MAML3: variants seen among roughly 807,000 people sequenced by gnomAD.
The protein encoded by MAML3 is mastermind-like protein 3.
In MAML3, 27 loss-of-function variants were observed where a neutral mutation model predicts 101.9. The observed-to-expected ratio is 0.27, with a 90% CI of 0.20 to 0.37. The LOEUF (loss-of-function observed/expected upper bound fraction) is 0.37. Ranked by LOEUF, MAML3 falls within the 10% of genes least tolerant of loss-of-function variation. The pLI, the probability that MAML3 is intolerant of heterozygous loss-of-function variation, is 1.00. For missense variants in MAML3, 1,316 were observed against 1,444.9 expected, an observed-to-expected ratio of 0.91 and a Z score of 1.45; for synonymous variants, 501 against 555.9, an observed-to-expected ratio of 0.90 and a Z score of 1.39.
intron 1 of MAML3, among the ~76,000 whole-genome samples, chr4:139,950,613 T>C (rs1405621705): frequency 1.3e-5 from 2 of 152,130 alleles, no homozygotes; most frequent in African/African-American, 4.8e-5. Context: ...TTGGCCACTT[T>C]CCATTACAGC....
chr4:139,919,031 G>A (rs965425824), intron 1 of MAML3, among the ~76,000 whole-genome samples: 7 of 152,138 alleles, frequency 4.6e-5, no homozygotes, highest in African/African-American at 1.7e-4. Flanking sequence ...TATGCACAGT[G>A]GGGTTAAATC....
At chr4:139,874,865 G>A (rs974957822) in intron 2 of MAML3, among the ~76,000 whole-genome samples, 18 of 148,022 alleles carry the variant, frequency 1.2e-4, no homozygotes, top group Non-Finnish European at 5.9e-5. Flanking sequence ...GTGCAGTGGC[G>A]CGATCTCAGC....
At chr4:139,729,527 C>CTT (rs890773087) in intron 3 of MAML3, among the ~76,000 whole-genome samples, 1 of 152,182 alleles carries the variant, frequency 6.6e-6, no homozygotes, top group African/African-American at 2.4e-5. Context: ...GTGAGGCAGA[C>CTT]TTATGTTGGG....
At chr4:139,915,306 A>T (rs1239058249) in intron 1 of MAML3, among the ~76,000 whole-genome samples, 1 of 152,244 alleles carries the variant, frequency 6.6e-6, no homozygotes, top group Non-Finnish European at 1.5e-5. Flanking sequence ...CCTCTTTGGA[A>T]GCAGATTCAT....
intron 2 of MAML3, among the ~76,000 whole-genome samples, chr4:139,878,422 C>T (rs1203612855): frequency 2.0e-5 from 3 of 152,170 alleles, no homozygotes; most frequent in Non-Finnish European, 4.4e-5. Flanking sequence ...CTCTAGGTTA[C>T]ACTGTTTTGG....
chr4:139,727,296 G>A (rs999613151), intron 3 of MAML3, among the ~76,000 whole-genome samples: 2 of 152,228 alleles, frequency 1.3e-5, no homozygotes, highest in African/African-American at 2.4e-5. Flanking sequence ...CCATTAAAGT[G>A]TAGACAAGAA....
chr4:139,773,298 A>C (rs779932423), intron 2 of MAML3, among the ~76,000 whole-genome samples: 1 of 152,172 alleles, frequency 6.6e-6, no homozygotes, highest in Non-Finnish European at 1.5e-5. Context: ...ATCTAATGGC[A>C]CTGTGATGAC....
rs540746772 is a variant in MAML3, at chr4:140,009,861, T to A, written c.469-118894A>T. Among the ~76,000 whole-genome samples, 26 of 152,310 alleles carry A rather than the reference T, an allele frequency of 1.7e-4. No homozygotes were observed. In the South Asian group the frequency reaches 5.4e-3, roughly 32 times the overall value. On this transcript the variant is annotated intron_variant, in intron 1 of 4. Transcript: ENST00000509479. ...ATTTTATCAGTTCAAGCTAAACTCA[T>A]TTGGGATAGAATGTATCTTCTCATA...
chr4:139,884,368 T>C (rs1462600622), intron 2 of MAML3, among the ~76,000 whole-genome samples: 2 of 152,220 alleles, frequency 1.3e-5, no homozygotes, highest in Admixed American at 6.5e-5. Flanking sequence ...TATGAGCACA[T>C]ATACTCATTA....
chr4:140,008,733 G>T (rs548804148), intron 1 of MAML3, among the ~76,000 whole-genome samples: 14 of 152,140 alleles, frequency 9.2e-5, no homozygotes, highest in Non-Finnish European at 2.1e-4. Context: ...AAAAAGAGAT[G>T]AATTTTTATC....
At position 139,775,367 on chromosome 4, in the gene MAML3, C is replaced by T. The variant is rs1172590617; in HGVS notation, c.2080-44700G>A. ...TGGGGTACAAAGGATGAGAGTAACCCTTCAATAGAGCGCACCCTCTGTGGG... is the reference window on the plus strand; with the variant it reads ...TGGGGTACAAAGGATGAGAGTAACCTTTCAATAGAGCGCACCCTCTGTGGG... On this transcript the variant is annotated intron_variant, in intron 2 of 4. Transcript: ENST00000509479. Among the ~76,000 whole-genome samples, 3 of 152,132 alleles carry T rather than the reference C, an allele frequency of 2.0e-5. No individual in the cohort carries two copies. The East Asian group carries it at 5.8e-4, about 29-fold the overall frequency.
intron 2 of MAML3, among the ~76,000 whole-genome samples, chr4:139,855,698 T>C (rs1731648925): frequency 6.6e-6 from 1 of 152,228 alleles, no homozygotes; most frequent in Non-Finnish European, 1.5e-5. Flanking sequence ...ATCTTTATCA[T>C]GGGCATCAAA....
At chr4:140,067,754 AGC>A (rs1560882951) in intron 1 of MAML3, among the ~76,000 whole-genome samples, 2 of 127,968 alleles carry the variant, frequency 1.6e-5, no homozygotes, top group Non-Finnish European at 3.2e-5. Context: ...TTTGAGATGG[AGC>A]TTCACTCCTG....
intron 1 of MAML3, among the ~76,000 whole-genome samples, chr4:140,053,528 A>C (rs1032489368): frequency 1.6e-4 from 24 of 152,308 alleles, no homozygotes; most frequent in African/African-American, 5.8e-4. Context: ...TATCTAAAGA[A>C]CTTCACCACA....
intron 1 of MAML3, among the ~76,000 whole-genome samples, chr4:140,074,228 A>G (rs1036395680): frequency 1.5e-5 from 2 of 137,460 alleles, no homozygotes; most frequent in Non-Finnish European, 3.2e-5. Context: ...AAAGAAAGAA[A>G]GAAAGAAAGA....
chr4:139,841,463 C>T (rs1420929024), intron 2 of MAML3, among the ~76,000 whole-genome samples: 3 of 152,206 alleles, frequency 2.0e-5, no homozygotes, highest in South Asian at 2.1e-4. Flanking sequence ...AAGATGCAAG[C>T]GCCTTGCCTT....
rs1336038851 is a variant in MAML3 at position 140,077,171 on chromosome 4, C to T, written c.468+75689G>A. On this transcript the variant is annotated intron_variant, in intron 1 of 4. Coordinates refer to ENST00000509479, the MANE Select transcript of MAML3 (RefSeq NM_018717.5). ...TGCTGGGATTACAAGCATGAGCCAC[C>T]GCACCTAGCAGGAATCCTATCTCCA... Among the ~76,000 whole-genome samples, 7 of 152,278 alleles carry T rather than the reference C, an allele frequency of 4.6e-5. No individual in the cohort carries two copies. The South Asian group carries it at 6.2e-4, about 14-fold the overall frequency.
chr4:139,954,634 T>G (rs1236983605), intron 1 of MAML3, among the ~76,000 whole-genome samples: 1 of 152,220 alleles, frequency 6.6e-6, no homozygotes, highest in Non-Finnish European at 1.5e-5. Context: ...TATGGCAGAC[T>G]GCTTTATGGA....
At chr4:140,019,294 G>A (rs1000807343) in intron 1 of MAML3, among the ~76,000 whole-genome samples, 1 of 152,160 alleles carries the variant, frequency 6.6e-6, no homozygotes, top group African/African-American at 2.4e-5. Context: ...AGAAGCCTGA[G>A]TGAAGTATAC....
Sources: allele counts gnomAD v4.1 joint callset (sites outside exome capture counted in the v4.1 genomes callset), GRCh38; gene constraint gnomAD v4.1.1; transcripts MANE v1.5; gene names NCBI Gene and HGNC (gene_info 2026-07-23, HGNC 2026-07-21).